KCNQ1: variants seen among roughly 807,000 people sequenced by gnomAD.
KCNQ1 encodes the protein potassium voltage-gated channel subfamily KQT member 1.
KCNQ1 carries 49 observed loss-of-function variants against 72.4 expected under a neutral mutation model. That is an observed-to-expected ratio of 0.68 (90% CI 0.54 to 0.86). The LOEUF (loss-of-function observed/expected upper bound fraction) is 0.86. Among genes scored for constraint, KCNQ1 ranks in the 40% least tolerant of loss-of-function variants. KCNQ1 has a pLI of 0.00. For synonymous variants in KCNQ1, 450 were observed against 412.6 expected (o/e 1.09, Z -1.10); for missense variants, 790 against 945.1 (o/e 0.84, Z 2.15).
intron 1 of KCNQ1, chr11:2,461,352 T>A (rs555115815): frequency 1.8e-6 from 2 of 1,136,542 alleles, no homozygotes; most frequent in East Asian, 1.2e-4. Context: ...AAATAGCCTC[T>A]GAAGCTCTGT....
rs1846325336 is a variant in KCNQ1 at position 2,464,583 on chromosome 11, C to T, written c.386+19099C>T. Among the ~76,000 whole-genome samples the T allele has an allele frequency of 1.3e-5, 2 of 152,010 alleles. No individual in the cohort carries two copies. The highest frequency in any genetic ancestry group is 2.9e-5 in the Non-Finnish European group (2 of 68,006). Reference sequence around the variant, plus strand: ...TGCTGCCCCCACATTGGGCCCTGCACCAGGCATGAGTCCCATGTCCTGTCC... The same window carrying T: ...TGCTGCCCCCACATTGGGCCCTGCATCAGGCATGAGTCCCATGTCCTGTCC... On this transcript the variant is annotated intron_variant, in intron 1 of 15. Transcript: ENST00000155840. The surrounding 1 kb of genome is among the most constrained non-coding windows in gnomAD (Gnocchi z 5.0).
intron 11 of KCNQ1, among the ~76,000 whole-genome samples, chr11:2,706,832 G>A (rs543120575): frequency 1.3e-5 from 2 of 152,314 alleles, no homozygotes; most frequent in Non-Finnish European, 2.9e-5. Context: ...CCACTCCCCG[G>A]TGCAGGTCCC....
intron 12 of KCNQ1, among the ~76,000 whole-genome samples, chr11:2,770,401 C>T (rs553366746): frequency 6.6e-6 from 1 of 152,264 alleles, no homozygotes; most frequent in Non-Finnish European, 1.5e-5. Context: ...GGCCAGCACC[C>T]GCTAGGCTCG....
intron 11 of KCNQ1, chr11:2,689,331 C>T (rs1049058782): frequency 1.8e-5 from 7 of 398,558 alleles, no homozygotes; most frequent in Admixed American, 8.8e-5. Flanking sequence ...CTGCCCCTAT[C>T]CGCAGAGCTT....
Position 2,653,446 on chromosome 11 carries a change from T to A in KCNQ1, c.1394-8515T>A, listed in dbSNP as rs555399487. On this transcript the variant is annotated intron_variant, in intron 10 of 15. Coordinates refer to ENST00000155840, the MANE Select transcript of KCNQ1 (RefSeq NM_000218.3). The surrounding 1 kb of genome is among the most constrained non-coding windows in gnomAD (Gnocchi z 5.3). ...ACAAGCTTAAGCACAAAAGGGACATTTTTTGGCTCACACAGCTGGACCCAG... is the reference window on the plus strand; with the variant it reads ...ACAAGCTTAAGCACAAAAGGGACATATTTTGGCTCACACAGCTGGACCCAG... 221 of 398,562 alleles carry A rather than the reference T, an allele frequency of 5.5e-4. No individual in the cohort carries two copies. Among genetic ancestry groups the A allele is most frequent in the African/African-American group, 4.1e-3 (201 of 48,712 alleles). 24.7% of individuals were successfully genotyped at this position (398,562 alleles called of 1,614,324 possible).
chr11:2,553,206 A>G (rs143046372), intron 2 of KCNQ1, among the ~76,000 whole-genome samples: 999 of 96,428 alleles, frequency 0.01, 11 homozygotes, highest in African/African-American at 0.035. Context: ...AGGATTTTCT[A>G]TGGAGATGAT....
rs971464931 is a variant in KCNQ1 at position 2,815,070 on chromosome 11, T to G, written c.1795-32697T>G. The stretch of plus-strand genomic sequence containing the variant: ...TCCTAGCAACCATCATCCAGGCACC[T>G]GCTGCGTGCTGAGCACCATGCTGGG... On this transcript the variant is annotated intron_variant, in intron 15 of 15. Transcript: ENST00000155840. This position sits in a 1 kb window ranked among gnomAD's most constrained non-coding sequence, Gnocchi z 5.4. Among the ~76,000 whole-genome samples, 1 of 152,258 alleles carries G rather than the reference T, an allele frequency of 6.6e-6. No homozygotes were observed. The highest frequency in any genetic ancestry group is 2.4e-5 in the African/African-American group (1 of 41,470).
rs1850261877 is a variant in KCNQ1, at chr11:2,674,797, C to T, written c.1514+12716C>T. 5.2e-6 allele frequency: 2 copies of T among 386,374 alleles called. No homozygotes were observed. The highest frequency in any genetic ancestry group is 1.4e-4 in the South Asian group (1 of 7,316). The allele number at this position is 386,374 out of a possible 1,614,324, so 23.9% of individuals were successfully genotyped here. A position where few individuals can be genotyped will look rare whatever the true frequency, so the allele number is the denominator to read the frequency against. ...CTGGAAACTCTCGCCAACTGCTGGCCTTTGGAAAGGCTTGTCACCCTAATA... is the reference window on the plus strand; with the variant it reads ...CTGGAAACTCTCGCCAACTGCTGGCTTTTGGAAAGGCTTGTCACCCTAATA... On this transcript the variant is annotated intron_variant, in intron 11 of 15. Transcript: ENST00000155840. This position sits in a 1 kb window ranked among gnomAD's most constrained non-coding sequence, Gnocchi z 5.9.
rs1394121344 is a variant in KCNQ1, at chr11:2,509,775, TG to T, written c.387-18150del. Among the ~76,000 whole-genome samples, 1 of 151,920 alleles carries T rather than the reference TG, an allele frequency of 6.6e-6. No individual in the cohort carries two copies. The highest frequency in any genetic ancestry group is 1.5e-5 in the Non-Finnish European group (1 of 67,970). ...GGCTTCCGGGGGTGGGGAGCGGGGC[TG>T]GGCGGCTGCTGGCTGAGCCAAGTGG... is the stretch of plus-strand genomic sequence containing the variant. On this transcript the variant is annotated intron_variant, in intron 1 of 15. Transcript: ENST00000155840. This position sits in a 1 kb window ranked among gnomAD's most constrained non-coding sequence, Gnocchi z 6.3.
intron 10 of KCNQ1, chr11:2,655,144 T>G (rs551300254): frequency 6.0e-5 from 24 of 398,534 alleles, no homozygotes; most frequent in Non-Finnish European, 2.7e-5. Flanking sequence ...GAAAGGAGGA[T>G]GCTGTGCTGA....
chr11:2,602,616 A>G lies in KCNQ1; in HGVS notation c.1393+13762A>G, dbSNP rs1023364191. Reference sequence around the variant, plus strand: ...GTTCACACTGTTTTTAATTTTCTCCATTCAGATAGGTGTGTAGTGAGATCT... The same window carrying G: ...GTTCACACTGTTTTTAATTTTCTCCGTTCAGATAGGTGTGTAGTGAGATCT... On this transcript the variant is annotated intron_variant, in intron 10 of 15. Transcript: ENST00000155840. The surrounding 1 kb of genome is among the most constrained non-coding windows in gnomAD (Gnocchi z 4.8). Among the ~76,000 whole-genome samples the G allele has an allele frequency of 1.3e-5, 2 of 152,118 alleles. No homozygotes were observed. Among genetic ancestry groups the G allele is most frequent in the Non-Finnish European group, 1.5e-5 (1 of 68,022 alleles).
At position 2,808,015 on chromosome 11, in the gene KCNQ1, G is replaced by A. The variant is rs1847414341; in HGVS notation, c.1794+29978G>A. On this transcript the variant is annotated intron_variant, in intron 15 of 15. Coordinates refer to ENST00000155840, the MANE Select transcript of KCNQ1 (RefSeq NM_000218.3). This position sits in a 1 kb window ranked among gnomAD's most constrained non-coding sequence, Gnocchi z 6.0. ...CGGTCTCTCTGGGGGCAGGGCCGGTGGTACCTGGAGCCCTCCCCACTGAGC... is the reference window on the plus strand; with the variant it reads ...CGGTCTCTCTGGGGGCAGGGCCGGTAGTACCTGGAGCCCTCCCCACTGAGC... Among the ~76,000 whole-genome samples, 1 of 152,200 alleles carries A rather than the reference G, an allele frequency of 6.6e-6. No homozygotes were observed. The highest frequency in any genetic ancestry group is 6.5e-5 in the Admixed American group (1 of 15,292).
At position 2,759,818 on chromosome 11, in the gene KCNQ1, C is replaced by T. The variant is rs1429555705; in HGVS notation, c.1515-9026C>T. On this transcript the variant is annotated intron_variant, in intron 11 of 15. Transcript: ENST00000155840. This position sits in a 1 kb window ranked among gnomAD's most constrained non-coding sequence, Gnocchi z 4.4. The stretch of plus-strand genomic sequence containing the variant: ...TCAGGGACACAGGTGAGGCCAGCCC[C>T]TCCTCCACCCTGGGCATCTCCAGGC... 2.0e-5 allele frequency among the ~76,000 whole-genome samples: 3 copies of T among 152,098 alleles called. No individual in the cohort carries two copies. Among genetic ancestry groups the T allele is most frequent in the Non-Finnish European group, 4.4e-5 (3 of 67,978 alleles).
rs754658334 is a variant in KCNQ1, at chr11:2,494,664, T to A, written c.387-33264T>A. Among the ~76,000 whole-genome samples, 1 of 152,222 alleles carries A rather than the reference T, an allele frequency of 6.6e-6. No individual in the cohort carries two copies. Among genetic ancestry groups the A allele is most frequent in the Non-Finnish European group, 1.5e-5 (1 of 68,040 alleles). ...TGTTTAGTGATTTACATATGTTGAA[T>A]CAGCCTTGCATCCCAGGGATGAAGC... On this transcript the variant is annotated intron_variant, in intron 1 of 15. Coordinates refer to ENST00000155840, the MANE Select transcript of KCNQ1 (RefSeq NM_000218.3). This position sits in a 1 kb window ranked among gnomAD's most constrained non-coding sequence, Gnocchi z 4.6.
chr11:2,718,218 C>T (rs1429212696), intron 11 of KCNQ1, among the ~76,000 whole-genome samples: 1 of 152,214 alleles, frequency 6.6e-6, no homozygotes, highest in African/African-American at 2.4e-5. Flanking sequence ...CTCCGTCCTT[C>T]CCCACATCCC....
At chr11:2,589,416 C>A (rs937849518) in intron 10 of KCNQ1, among the ~76,000 whole-genome samples, 1 of 152,258 alleles carries the variant, frequency 6.6e-6, no homozygotes, top group African/African-American at 2.4e-5. Context: ...GATGAAGCTA[C>A]CTTCTGCGGG....
intron 1 of KCNQ1, among the ~76,000 whole-genome samples, chr11:2,454,378 A>T (rs1384356506): frequency 6.6e-6 from 1 of 152,214 alleles, no homozygotes; most frequent in Non-Finnish European, 1.5e-5. Flanking sequence ...TTAACCAGAA[A>T]AAGTAGTCCC....
chr11:2,451,154 C>T lies in KCNQ1; in HGVS notation c.386+5670C>T, dbSNP rs900210742. ...TTCCCCGTAGAGCAGCAGTCCCCAA[C>T]CTTTTTAGTACCAGAGACCTGTTTT... On this transcript the variant is annotated intron_variant, in intron 1 of 15. Coordinates refer to ENST00000155840, the MANE Select transcript of KCNQ1 (RefSeq NM_000218.3). This position sits in a 1 kb window ranked among gnomAD's most constrained non-coding sequence, Gnocchi z 6.4. 5.3e-5 allele frequency among the ~76,000 whole-genome samples: 8 copies of T among 152,176 alleles called. No individual in the cohort carries two copies. The highest frequency in any genetic ancestry group is 1.7e-4 in the African/African-American group (7 of 41,436).
chr11:2,640,350 C>T, intron 10 of KCNQ1: 1 of 398,600 alleles, frequency 2.5e-6, no homozygotes, highest in Non-Finnish European at 4.4e-6. Context: ...ATCTTGGAAC[C>T]ACCCCACTTA....
Sources: allele counts gnomAD v4.1 joint callset (sites outside exome capture counted in the v4.1 genomes callset), GRCh38; gene constraint gnomAD v4.1.1; non-coding constraint Gnocchi (gnomAD v3.1); transcripts MANE v1.5; gene names NCBI Gene and HGNC (gene_info 2026-07-23, HGNC 2026-07-21).